Variants in ATP6V1A observed in about 807,000 individuals in gnomAD.
ATP6V1A encodes V-type proton ATPase catalytic subunit A.
ATP6V1A carries 18 observed loss-of-function variants against 70.1 expected under a neutral mutation model. That is an observed-to-expected ratio of 0.26 (90% CI 0.18 to 0.38). The LOEUF (loss-of-function observed/expected upper bound fraction) is 0.38. Ranked by LOEUF, ATP6V1A falls within the 10% of genes least tolerant of loss-of-function variation. ATP6V1A has a pLI of 1.00. For synonymous variants in ATP6V1A, 232 were observed against 253.8 expected (o/e 0.91, Z 0.82); for missense variants, 424 against 772.4 (o/e 0.55, Z 5.35).
At chr3:113,794,764 GC>G in intron 8 of ATP6V1A, 107 bp from the exon 9 acceptor site, 1 of 1,274,940 alleles carries the variant, frequency 7.8e-7, no homozygotes, top group East Asian at 2.4e-5. Flanking sequence ...GGAGCCACTA[GC>G]AGTCTACGTT....
At chr3:113,752,943 T>C (rs1021690582) in intron 1 of ATP6V1A, among the ~76,000 whole-genome samples, 3 of 152,110 alleles carry the variant, frequency 2.0e-5, no homozygotes, top group African/African-American at 7.2e-5. Context: ...GATGTAGTTT[T>C]TTAAACCAAG....
At chr3:113,767,083 TGTC>T (rs1708780219) in intron 1 of ATP6V1A, among the ~76,000 whole-genome samples, 1 of 150,432 alleles carries the variant, frequency 6.6e-6, no homozygotes, top group Non-Finnish European at 1.5e-5. Flanking sequence ...GTTGATGTTA[TGTC>T]TTTTTTTTTT....
chr3:113,750,693 G>A (rs1258687915), intron 1 of ATP6V1A, among the ~76,000 whole-genome samples: 1 of 152,088 alleles, frequency 6.6e-6, no homozygotes, highest in Non-Finnish European at 1.5e-5. Context: ...TATTAAGTTA[G>A]ATCATGAATG....
rs35128741 is a variant in ATP6V1A, at chr3:113,782,524, TTC to T, written c.211+1364_211+1365del. On this transcript the variant is annotated intron_variant, in intron 3 of 14. Coordinates refer to ENST00000273398, the MANE Select transcript of ATP6V1A (RefSeq NM_001690.4). ...ACAAATATTTGTATTTTTCTTTCCT[TTC>T]TCTCTCTCTCTCTCTCTATATATAT... is the stretch of plus-strand genomic sequence containing the variant. Among the ~76,000 whole-genome samples, 513 of 140,228 alleles carry T rather than the reference TTC, an allele frequency of 3.7e-3. 6 individuals are homozygous for T. The highest frequency in any genetic ancestry group is 0.02 in the Admixed American group (279 of 13,800). 92.0% of individuals were successfully genotyped at this position (140,228 alleles called of 152,430 possible).
chr3:113,796,109 C>G (rs990792788), intron 11 of ATP6V1A, among the ~76,000 whole-genome samples, 170 bp downstream of exon 11: 1 of 152,160 alleles, frequency 6.6e-6, no homozygotes, highest in African/African-American at 2.4e-5. Flanking sequence ...GCCTTTAATA[C>G]TGTCTGTTTT....
chr3:113,789,107 A>G (rs9819945), intron 7 of ATP6V1A, among the ~76,000 whole-genome samples: 53,971 of 151,936 alleles, frequency 0.36, 9,706 homozygotes, highest in African/African-American at 0.38. Context: ...GAGTGCAGTG[A>G]CACCATCTCA....
chr3:113,786,577 T>A (rs960087288), intron 6 of ATP6V1A, among the ~76,000 whole-genome samples, 194 bp downstream of exon 6: 6 of 152,196 alleles, frequency 3.9e-5, no homozygotes, highest in Admixed American at 3.9e-4. Flanking sequence ...ATTTACTTTT[T>A]TCATGGTTGC....
chr3:113,784,198 A>G (rs777278204), intron 3 of ATP6V1A, 26 bp from the exon 4 acceptor site: 2 of 1,591,274 alleles, frequency 1.3e-6, no homozygotes, highest in South Asian at 2.2e-5. Context: ...CCTTCATAGT[A>G]GGTTTTCCTT....
intron 12 of ATP6V1A, 79 bp from the exon 13 acceptor site, chr3:113,803,504 G>C (rs1709238729): frequency 9.5e-7 from 1 of 1,054,770 alleles, no homozygotes; most frequent in South Asian, 1.4e-5. Context: ...CTATATAATA[G>C]TTTCTGCTTG....
In ATP6V1A at chr3:113,782,591, T is replaced by TAC. The variant is rs200293840; in HGVS notation, c.211+1414_211+1415insCA. Among the ~76,000 whole-genome samples the TAC allele has an allele frequency of 5.0e-3, 729 of 147,098 alleles. 10 individuals carry two copies. The highest frequency in any genetic ancestry group is 0.017 in the African/African-American group (696 of 40,296). On this transcript the variant is annotated intron_variant, in intron 3 of 14. Transcript: ENST00000273398. ...ATATATACGTATATATATACACATA[T>TAC]ATATATATATACATATATATATGGT...
intron 1 of ATP6V1A, among the ~76,000 whole-genome samples, chr3:113,759,984 A>G (rs904253608): frequency 3.3e-5 from 5 of 152,226 alleles, no homozygotes; most frequent in Admixed American, 6.5e-5. Flanking sequence ...TTTTTTAATC[A>G]CAAGAGTAGT....
intron 1 of ATP6V1A, among the ~76,000 whole-genome samples, chr3:113,749,678 G>A (rs1708563502): frequency 1.3e-5 from 2 of 152,120 alleles, no homozygotes; most frequent in African/African-American, 4.8e-5. Context: ...TCTCAGGACT[G>A]TGAACTATAA....
intron 1 of ATP6V1A, among the ~76,000 whole-genome samples, chr3:113,769,539 A>G (rs1263475779): frequency 2.0e-5 from 3 of 152,194 alleles, no homozygotes; most frequent in Non-Finnish European, 4.4e-5. Context: ...TTTAACTTTT[A>G]TATATCACCT....
At chr3:113,791,248 C>T (rs1048477476) in intron 8 of ATP6V1A, among the ~76,000 whole-genome samples, 2 of 152,092 alleles carry the variant, frequency 1.3e-5, no homozygotes, top group African/African-American at 4.8e-5. Flanking sequence ...TGTCTGTTCA[C>T]AGGATAAATG....
chr3:113,776,079 C>T (rs951227376), intron 1 of ATP6V1A, among the ~76,000 whole-genome samples: 2 of 152,162 alleles, frequency 1.3e-5, no homozygotes, highest in East Asian at 1.9e-4. Context: ...TAAATTTCTG[C>T]CAGGCGCGGT....
intron 1 of ATP6V1A, 167 bp downstream of exon 1, chr3:113,747,280 C>G (rs1191151439): frequency 2.6e-5 from 4 of 152,460 alleles, no homozygotes; most frequent in South Asian, 4.1e-4. Flanking sequence ...CCCGCTCCCC[C>G]AAGTGTGGTC....
chr3:113,756,232 T>C (rs1057135324), intron 1 of ATP6V1A, among the ~76,000 whole-genome samples: 1 of 152,190 alleles, frequency 6.6e-6, no homozygotes, highest in African/African-American at 2.4e-5. Context: ...GCTAAACATG[T>C]AGCCTGTCAT....
In ATP6V1A at chr3:113,811,687, G is replaced by A. The variant is rs185334148; in HGVS notation, c.*2260G>A. ...TATGTATGAGTGTGAAGATGCTAGC[G>A]AACCTATGCTCAGATATTCATCGTA... On this transcript the variant is annotated 3_prime_UTR_variant, in exon 15 of 15. Coordinates refer to ENST00000273398, the MANE Select transcript of ATP6V1A (RefSeq NM_001690.4). 3.9e-5 allele frequency: 6 copies of A among 152,614 alleles called. No individual in the cohort carries two copies. Among genetic ancestry groups the A allele is most frequent in the Admixed American group, 6.5e-5 (1 of 15,270 alleles). 9.5% of individuals were successfully genotyped at this position (152,614 alleles called of 1,614,324 possible).
chr3:113,761,300 TTTTG>T (rs911899260), intron 1 of ATP6V1A, among the ~76,000 whole-genome samples: 1 of 152,160 alleles, frequency 6.6e-6, no homozygotes, highest in Non-Finnish European at 1.5e-5. Context: ...GCTGTCTCTT[TTTTG>T]TTCCTTGTAT....
Sources: gnomAD v4.1 joint callset for allele counts (sites outside exome capture counted in the v4.1 genomes callset) on GRCh38, gnomAD v4.1.1 for gene constraint, MANE v1.5 for transcripts, NCBI Gene and HGNC (gene_info 2026-07-23, HGNC 2026-07-21) for gene names.